The following PACRG variants were observed in gnomAD, a reference collection of about 807,000 sequenced individuals.
PACRG encodes the protein parkin coregulated gene protein.
PACRG carries 29 observed loss-of-function variants against 29.7 expected under a neutral mutation model. The observed-to-expected ratio is 0.98, with a 90% CI of 0.73 to 1.33. The LOEUF (loss-of-function observed/expected upper bound fraction) is 1.33. Among genes scored for constraint, PACRG ranks in the 40% most tolerant of loss-of-function variants. The pLI, the probability that PACRG is intolerant of heterozygous loss-of-function variation, is 0.00. For missense variants in PACRG, 279 were observed against 316.2 expected (o/e 0.88, Z 0.89); for synonymous variants, 116 against 118.7 (o/e 0.98, Z 0.15).
At chr6:163,272,236 C>G (rs1012600974) in intron 4 of PACRG, among the ~76,000 whole-genome samples, 1 of 151,862 alleles carries the variant, frequency 6.6e-6, no homozygotes, top group African/African-American at 2.4e-5. Flanking sequence ...ACGGGGTTTC[C>G]CCATGTTGGT....
At chr6:162,798,848 T>C (rs1785600410) in intron 1 of PACRG, among the ~76,000 whole-genome samples, 1 of 152,200 alleles carries the variant, frequency 6.6e-6, no homozygotes, top group African/African-American at 2.4e-5. Flanking sequence ...GTGTGTGTTG[T>C]GTGAATTACT....
At chr6:163,064,636 TG>T (rs1811378050) in intron 3 of PACRG, among the ~76,000 whole-genome samples, 1 of 152,166 alleles carries the variant, frequency 6.6e-6, no homozygotes, top group Admixed American at 6.5e-5. Flanking sequence ...CAGCACAGTG[TG>T]AAAAATATTA....
At chr6:162,992,539 T>C (rs1456434225) in intron 2 of PACRG, among the ~76,000 whole-genome samples, 5 of 142,330 alleles carry the variant, frequency 3.5e-5, no homozygotes, top group African/African-American at 1.3e-4. Flanking sequence ...GAGGTGTTTG[T>C]AGTATTCTCT....
At chr6:163,194,691 A>G (rs1780367773) in intron 4 of PACRG, among the ~76,000 whole-genome samples, 1 of 152,248 alleles carries the variant, frequency 6.6e-6, no homozygotes, top group African/African-American at 2.4e-5. Flanking sequence ...TCACTCATCA[A>G]AATAGCCTAT....
chr6:163,151,008 A>G (rs1465441227), intron 4 of PACRG, among the ~76,000 whole-genome samples: 1 of 152,168 alleles, frequency 6.6e-6, no homozygotes, highest in Admixed American at 6.5e-5. Context: ...AATATATTAA[A>G]TTCCTTTATT....
rs530772337 is a variant in PACRG at position 163,301,131 on chromosome 6, G to A, written c.614-13696G>A. ...CCGTGAGTTTAGTAGGGCCACATCCGCTGCTTCCTGTTGGCTTATCAGGGC... is the reference window on the plus strand; with the variant it reads ...CCGTGAGTTTAGTAGGGCCACATCCACTGCTTCCTGTTGGCTTATCAGGGC... On this transcript the variant is annotated intron_variant, in intron 4 of 4. Coordinates refer to ENST00000366888, the MANE Select transcript of PACRG (RefSeq NM_001080379.2). Among the ~76,000 whole-genome samples, 8 of 152,184 alleles carry A rather than the reference G, an allele frequency of 5.3e-5. No homozygotes were observed. The South Asian group carries it at 6.2e-4, about 12-fold the overall frequency.
At chr6:163,035,905 A>G (rs1206533455) in intron 2 of PACRG, among the ~76,000 whole-genome samples, 2 of 151,916 alleles carry the variant, frequency 1.3e-5, no homozygotes, top group African/African-American at 4.8e-5. Flanking sequence ...GCTCCTATTC[A>G]AGATGGAGTT....
At chr6:163,062,738 C>G (rs2128265022) in intron 3 of PACRG, among the ~76,000 whole-genome samples, 1 of 152,208 alleles carries the variant, frequency 6.6e-6, no homozygotes, top group East Asian at 1.9e-4. Context: ...GGAAGGGAAG[C>G]CCAGCTGCAT....
At chr6:162,786,648 C>T (rs897194755) in intron 1 of PACRG, among the ~76,000 whole-genome samples, 1 of 151,950 alleles carries the variant, frequency 6.6e-6, no homozygotes, top group African/African-American at 2.4e-5. Context: ...GGACTTCAAT[C>T]AGAAGAAACA....
intron 4 of PACRG, among the ~76,000 whole-genome samples, chr6:163,097,781 G>C (rs572786641): frequency 6.6e-6 from 1 of 152,256 alleles, no homozygotes; most frequent in East Asian, 1.9e-4. Context: ...GTCAAGATAA[G>C]GGGCTGTGGA....
At chr6:163,129,813 G>A (rs1447753378) in intron 4 of PACRG, among the ~76,000 whole-genome samples, 1 of 152,152 alleles carries the variant, frequency 6.6e-6, no homozygotes, top group Non-Finnish European at 1.5e-5. Flanking sequence ...CATCATAAGG[G>A]TAACAGTAGT....
chr6:162,994,941 G>C (rs1334277798), intron 2 of PACRG, among the ~76,000 whole-genome samples: 40 of 148,720 alleles, frequency 2.7e-4, no homozygotes, highest in Non-Finnish European at 3.7e-4. Context: ...CTTTCTGTTT[G>C]TTAGTTTTCC....
upstream of PACRG, among the ~76,000 whole-genome samples, chr6:162,727,491 C>T (rs1040071219): frequency 1.3e-5 from 2 of 152,080 alleles, no homozygotes; most frequent in Non-Finnish European, 1.5e-5. Flanking sequence ...GGCCCCGGAC[C>T]CGCGTCGCTG....
chr6:163,182,841 C>G (rs1202189191), intron 4 of PACRG: 1 of 152,174 alleles, frequency 6.6e-6, no homozygotes, highest in African/African-American at 2.4e-5. Flanking sequence ...ATTTAATGGT[C>G]TTGACTCTAA....
intron 1 of PACRG, among the ~76,000 whole-genome samples, chr6:162,791,992 G>A (rs1313484039): frequency 6.6e-6 from 1 of 152,116 alleles, no homozygotes; most frequent in Non-Finnish European, 1.5e-5. Flanking sequence ...TCAATGACTA[G>A]GAGCAAGAAC....
intron 2 of PACRG, among the ~76,000 whole-genome samples, chr6:162,851,193 G>A (rs1790829872): frequency 1.3e-5 from 2 of 152,202 alleles, no homozygotes; most frequent in Non-Finnish European, 2.9e-5. Flanking sequence ...GCGGCTGGTA[G>A]ATTGTGATTC....
intron 2 of PACRG, among the ~76,000 whole-genome samples, chr6:162,982,557 G>A (rs1269792570): frequency 6.6e-6 from 1 of 151,746 alleles, no homozygotes; most frequent in Non-Finnish European, 1.5e-5. Context: ...TTTCATTGTT[G>A]ACCCAAAGAT....
chr6:163,148,767 C>T (rs1041285124), intron 4 of PACRG, among the ~76,000 whole-genome samples: 8 of 152,052 alleles, frequency 5.3e-5, no homozygotes, highest in South Asian at 2.1e-4. Context: ...AGCACACAGA[C>T]CCTAAGCAGC....
At chr6:162,961,347 T>G (rs1170852811) in intron 2 of PACRG, among the ~76,000 whole-genome samples, 2 of 152,218 alleles carry the variant, frequency 1.3e-5, no homozygotes, top group Non-Finnish European at 2.9e-5. Flanking sequence ...GTATCCAGCC[T>G]CACTCCAAGG....
Sources: gnomAD v4.1 joint callset for allele counts (sites outside exome capture counted in the v4.1 genomes callset) on GRCh38, gnomAD v4.1.1 for gene constraint, MANE v1.5 for transcripts, NCBI Gene and HGNC (gene_info 2026-07-23, HGNC 2026-07-21) for gene names.